The following UGT1A9 variants were observed in gnomAD, a reference collection of about 807,000 sequenced individuals.
UGT1A9 encodes UDP-glucuronosyltransferase 1A9.
In UGT1A9, 35 loss-of-function variants were observed where a neutral mutation model predicts 45.0. The observed-to-expected ratio is 0.78, with a 90% CI of 0.59 to 1.03. The LOEUF is 1.03. UGT1A9 is among the 50% of genes least tolerant of loss of function. UGT1A9 has a pLI of 0.00. For synonymous variants in UGT1A9, 278 were observed against 250.6 expected (o/e 1.11, Z -1.03); for missense variants, 687 against 666.6 (o/e 1.03, Z -0.34).
At chr2:233,713,253 G>T in intron 1 of UGT1A9, 1 of 1,614,226 alleles carries the variant, frequency 6.2e-7, no homozygotes, top group Non-Finnish European at 8.5e-7. Flanking sequence ...GACCCAGGAC[G>T]AATTTGATCG....
At position 233,772,972 on chromosome 2, in the gene UGT1A9, C is replaced by A; in HGVS notation, c.*413C>A. The A allele has an allele frequency of 3.3e-6, 1 of 304,366 alleles. No homozygotes were observed. The highest frequency in any genetic ancestry group is 6.3e-6 in the Non-Finnish European group (1 of 158,956). 18.9% of individuals were successfully genotyped at this position (304,366 alleles called of 1,614,324 possible). On this transcript the variant is annotated 3_prime_UTR_variant, in exon 5 of 5. Transcript: ENST00000354728. ...CAGATGGTTGCAATTGATCCTTAAC[C>A]AATAATGGTCAGTCCTCATCTCTGT...
At chr2:233,748,119 A>G (rs1693871947) in intron 1 of UGT1A9, 2 of 1,611,514 alleles carry the variant, frequency 1.2e-6, no homozygotes, top group Admixed American at 1.7e-5. Flanking sequence ...GTTCCAGGCA[A>G]AACAGTTTTT....
chr2:233,682,847 G>T, intron 1 of UGT1A9: 9 of 1,540,244 alleles, frequency 5.8e-6, no homozygotes, highest in Non-Finnish European at 7.8e-6. Flanking sequence ...GAAATTAAAA[G>T]ATTTCTTACA....
In UGT1A9 at chr2:233,672,729, G is replaced by A. The variant is rs1299380932; in HGVS notation, c.795G>A (p.Val265=). Residue 265 remains valine, a synonymous_variant, in exon 1 of 5, where the codon GTG becomes GTA. Transcript: ENST00000354728. Reference sequence around the variant, plus strand: ...TTGTTTTGGACTATCCCAAACCCGTGATGCCCAACATGATCTTCATTGGTG... The same window carrying A: ...TTGTTTTGGACTATCCCAAACCCGTAATGCCCAACATGATCTTCATTGGTG... ...TDFVLDYPKP[V]MPNMIFIGGI... is the part of the protein sequence containing the mutation. 2 of 1,613,900 alleles carry A rather than the reference G, an allele frequency of 1.2e-6. No individual in the cohort carries two copies. Among genetic ancestry groups the A allele is most frequent in the South Asian group, 2.2e-5 (2 of 91,068 alleles).
intron 1 of UGT1A9, chr2:233,693,167 G>A (rs1339801155): frequency 2.5e-6 from 4 of 1,614,062 alleles, no homozygotes; most frequent in Non-Finnish European, 3.4e-6. Flanking sequence ...CCGGGGTCAT[G>A]AGATTGTAGT....
At position 233,720,744 on chromosome 2, in the gene UGT1A9, C is replaced by T. The variant is rs190457981; in HGVS notation, c.856-46290C>T. Reference sequence around the variant, plus strand: ...TTCTTGAGACTGAGCCTCGTTCTGTCGCCCAGGCTGGAGGGCAGTGGCCGG... The same window carrying T: ...TTCTTGAGACTGAGCCTCGTTCTGTTGCCCAGGCTGGAGGGCAGTGGCCGG... On this transcript the variant is annotated intron_variant, in intron 1 of 4. Coordinates refer to ENST00000354728, the MANE Select transcript of UGT1A9 (RefSeq NM_021027.3). 3.0e-3 allele frequency among the ~76,000 whole-genome samples: 450 copies of T among 148,806 alleles called. 4 individuals are homozygous for T. Among genetic ancestry groups the T allele is most frequent in the African/African-American group, 0.01 (408 of 40,338 alleles).
chr2:233,692,652 A>G lies in UGT1A9; in HGVS notation c.855+19863A>G, dbSNP rs952834629. On this transcript the variant is annotated intron_variant, in intron 1 of 4. Coordinates refer to ENST00000354728, the MANE Select transcript of UGT1A9 (RefSeq NM_021027.3). ...AGACAACGTCAATGATGAGGAATCC[A>G]GCAAGTTCGGGATAGAGAATTGGCA... 1.1e-4 allele frequency among the ~76,000 whole-genome samples: 16 copies of G among 152,334 alleles called. 1 individual carries two copies. The highest frequency in any genetic ancestry group is 6.8e-3 in the Middle Eastern group (2 of 294).
At chr2:233,754,712 G>A (rs1446965337) in intron 1 of UGT1A9, 3 of 540,884 alleles carry the variant, frequency 5.5e-6, no homozygotes, top group East Asian at 1.4e-4. Context: ...TGGACTTGAA[G>A]CTGCCTGTCC....
chr2:233,755,145 G>C, intron 1 of UGT1A9: 1 of 1,302,778 alleles, frequency 7.7e-7, no homozygotes, highest in Non-Finnish European at 1.0e-6. Context: ...TCTTCTCACC[G>C]CTTCCTCCCT....
chr2:233,769,826 G>A lies in UGT1A9; in HGVS notation c.1295+1387G>A. ...GCCGTGATCATGCCACTGCACTCCA[G>A]CAACCTGGGCAACAGAGTGAGACCC... On this transcript the variant is annotated intron_variant, in intron 4 of 4. Transcript: ENST00000354728. This position sits in a 1 kb window ranked among gnomAD's most constrained non-coding sequence, Gnocchi z 4.4. 1.5e-6 allele frequency: 1 copy of A among 678,694 alleles called. No individual in the cohort carries two copies. Among genetic ancestry groups the A allele is most frequent in the East Asian group, 3.3e-5 (1 of 29,888 alleles). The allele number at this position is 678,694 out of a possible 1,614,324, so 42.0% of individuals were successfully genotyped here.
chr2:233,693,122 C>T, intron 1 of UGT1A9: 6 of 1,614,092 alleles, frequency 3.7e-6, no homozygotes, highest in Non-Finnish European at 5.1e-6. Flanking sequence ...AAGCCACTGG[C>T]TTAGTATGAA....
At chr2:233,703,155 C>T (rs1046726596) in intron 1 of UGT1A9, among the ~76,000 whole-genome samples, 1 of 152,038 alleles carries the variant, frequency 6.6e-6, no homozygotes, top group Non-Finnish European at 1.5e-5. Flanking sequence ...TTTTGTATTT[C>T]TTCTTGATTC....
At chr2:233,689,448 G>A (rs2074943305) in intron 1 of UGT1A9, among the ~76,000 whole-genome samples, 1 of 152,146 alleles carries the variant, frequency 6.6e-6, no homozygotes, top group Non-Finnish European at 1.5e-5. Context: ...TAAGAGCAAG[G>A]ATACATTTTA....
At chr2:233,748,267 A>G (rs762493954) in intron 1 of UGT1A9, among the ~76,000 whole-genome samples, 2 of 151,794 alleles carry the variant, frequency 1.3e-5, no homozygotes, top group Non-Finnish European at 2.9e-5. Context: ...TAAATGGTCA[A>G]TGAGAGGAAG....
chr2:233,694,266 C>T (rs1198459756), intron 1 of UGT1A9, among the ~76,000 whole-genome samples: 1 of 151,834 alleles, frequency 6.6e-6, no homozygotes. Context: ...CAGCGAACTA[C>T]AGCCTGTGAG....
At chr2:233,709,366 GT>G in intron 1 of UGT1A9, among the ~76,000 whole-genome samples, 1 of 152,240 alleles carries the variant, frequency 6.6e-6, no homozygotes, top group South Asian at 2.1e-4. Context: ...AGATTTTTCT[GT>G]GTCCTAATCT....
chr2:233,737,914 TA>T (rs1690631696), intron 1 of UGT1A9, among the ~76,000 whole-genome samples: 4 of 152,128 alleles, frequency 2.6e-5, no homozygotes, highest in African/African-American at 4.8e-5. Flanking sequence ...AAGAACAGGC[TA>T]GTGTATTTAG....
intron 1 of UGT1A9, among the ~76,000 whole-genome samples, chr2:233,745,098 AT>A (rs960304427): frequency 6.6e-6 from 1 of 151,758 alleles, no homozygotes; most frequent in African/African-American, 2.4e-5. Flanking sequence ...CCCCCCAAAT[AT>A]TTTTAATCTG....
At chr2:233,705,684 C>T (rs760465489) in intron 1 of UGT1A9, among the ~76,000 whole-genome samples, 4 of 152,274 alleles carry the variant, frequency 2.6e-5, no homozygotes, top group African/African-American at 9.6e-5. Context: ...ATATTCACAA[C>T]GACTGGTATA....
Sources: gnomAD v4.1 joint callset for allele counts (sites outside exome capture counted in the v4.1 genomes callset) on GRCh38, gnomAD v4.1.1 for gene constraint, Gnocchi (gnomAD v3.1) non-coding constraint, MANE v1.5 for transcripts, NCBI Gene and HGNC (gene_info 2026-07-23, HGNC 2026-07-21) for gene names.